ZFAT: variants seen among roughly 807,000 people sequenced by gnomAD.
The protein encoded by ZFAT is zinc finger and AT-hook domain containing, also known as zinc finger protein ZFAT.
Under a neutral mutation model 117.7 loss-of-function variants are expected in ZFAT, and 64 were observed. That is an observed-to-expected ratio of 0.54 (90% CI 0.44 to 0.67). The LOEUF (loss-of-function observed/expected upper bound fraction) is 0.67, where lower values mean the gene tolerates loss of function less well. Among genes scored for constraint, ZFAT ranks in the 30% least tolerant of loss-of-function variants. The pLI is 0.00. For synonymous variants in ZFAT, 679 were observed against 615.0 expected, an observed-to-expected ratio of 1.10 and a Z score of -1.54; for missense variants, 1,433 against 1,584.5, an observed-to-expected ratio of 0.90 and a Z score of 1.62.
intron 12 of ZFAT, among the ~76,000 whole-genome samples, chr8:134,530,963 G>A (rs1375709714): frequency 6.6e-6 from 1 of 152,122 alleles, no homozygotes; most frequent in Non-Finnish European, 1.5e-5. Flanking sequence ...GTTATCTGCG[G>A]AGGGTCCTGG....
chr8:134,728,864 A>C, the ZFAT span, among the ~76,000 whole-genome samples: 1 of 152,174 alleles, frequency 6.6e-6, no homozygotes, highest in Non-Finnish European at 1.5e-5. Context: ...CTCTCCTCTT[A>C]TAGTAAATTT....
At position 134,565,414 on chromosome 8, in the gene ZFAT, C is replaced by T. The variant is rs573774659; in HGVS notation, c.2895G>A (p.Gln965=). 1.1e-5 allele frequency: 18 copies of T among 1,612,806 alleles called. No individual in the cohort carries two copies. In the South Asian group the frequency reaches 1.3e-4, roughly 12 times the overall value. The change falls in exon 11 of 16, where the codon CAG becomes CAA. Residue 965 remains glutamine (Q), a synonymous_variant. Transcript: ENST00000377838. The part of the protein sequence containing the change: ...HKLLHTADGK[Q]FKCTVCDYTA... ...TGTAGTCACACACCGTGCACTTAAACTGCTTCCCTGGAAAGAAGCGGAGGA... is the reference window on the plus strand; with the variant it reads ...TGTAGTCACACACCGTGCACTTAAATTGCTTCCCTGGAAAGAAGCGGAGGA...
intron 2 of ZFAT, among the ~76,000 whole-genome samples, chr8:134,640,739 A>G (rs1279336872): frequency 2.6e-5 from 4 of 152,202 alleles, no homozygotes. Flanking sequence ...TGCTGCATCC[A>G]TAATTCAGAT....
chr8:134,578,684 C>T lies in ZFAT; in HGVS notation c.2887+5148G>A, dbSNP rs905539004. 9.9e-4 allele frequency among the ~76,000 whole-genome samples: 150 copies of T among 152,214 alleles called. 1 individual carries two copies. Among genetic ancestry groups the T allele is most frequent in the Non-Finnish European group, 1.8e-4 (12 of 68,018 alleles). On this transcript the variant is annotated intron_variant, in intron 10 of 15. Coordinates refer to ENST00000377838, the MANE Select transcript of ZFAT (RefSeq NM_020863.4). ...TCTAGGGAAAGCAGTTAGGAGGCTA[C>T]TGCAAGAATGGAGGCAGGAGATGAC...
chr8:134,582,420 T>C (rs1050695085), intron 10 of ZFAT, among the ~76,000 whole-genome samples: 8 of 152,240 alleles, frequency 5.3e-5, no homozygotes, highest in Non-Finnish European at 1.2e-4. Flanking sequence ...ACTGCAGTAG[T>C]TATGTGCTAT....
intron 10 of ZFAT, among the ~76,000 whole-genome samples, chr8:134,572,969 G>A (rs1303092346): frequency 6.6e-6 from 1 of 152,208 alleles, no homozygotes; most frequent in Non-Finnish European, 1.5e-5. Context: ...AGCACAATGT[G>A]AAAAGGAAGA....
At chr8:134,532,588 G>A (rs1821502567) in intron 12 of ZFAT, among the ~76,000 whole-genome samples, 1 of 152,222 alleles carries the variant, frequency 6.6e-6, no homozygotes, top group African/African-American at 2.4e-5. Context: ...TAGAATTTGT[G>A]TGTGAATTTT....
rs1238335477 is a variant in ZFAT, at chr8:134,602,822, G to A, written c.897C>T (p.Tyr299=). 1 of 1,614,216 alleles carries A rather than the reference G, an allele frequency of 6.2e-7. No homozygotes were observed. The highest frequency in any genetic ancestry group is 1.3e-5 in the African/African-American group (1 of 75,062). The change falls in exon 6 of 16, where the codon TAC becomes TAT. Residue 299 remains tyrosine, a synonymous_variant. Transcript: ENST00000377838. ...TGGCATAGCTGCACTGGGGGCACTT[G>A]TATGGCTTTTCATTGGTGTGGATCC... ...HLRIHTNEKP[Y]KCPQCSYASA... is the part of the protein sequence containing the mutation.
chr8:134,715,629 G>A (rs1162127322), upstream of ZFAT, among the ~76,000 whole-genome samples: 2 of 152,236 alleles, frequency 1.3e-5, no homozygotes, highest in Non-Finnish European at 2.9e-5. Flanking sequence ...GGAATTGGAT[G>A]TAAATCACTC....
intron 15 of ZFAT, among the ~76,000 whole-genome samples, chr8:134,493,175 C>T (rs1289314440): frequency 1.3e-5 from 2 of 152,226 alleles, no homozygotes; most frequent in African/African-American, 4.8e-5. Context: ...CCACCCATTT[C>T]CTGTGTCACC....
the ZFAT span, among the ~76,000 whole-genome samples, chr8:134,763,258 A>G: frequency 6.6e-6 from 1 of 152,218 alleles, no homozygotes; most frequent in Non-Finnish European, 1.5e-5. Flanking sequence ...AGGCCTTAAC[A>G]TAATCTGCTT....
chr8:134,744,891 G>A, the ZFAT span, among the ~76,000 whole-genome samples: 1,347 of 151,844 alleles, frequency 8.9e-3, 12 homozygotes, highest in African/African-American at 0.03. Context: ...CACCAGGCCC[G>A]GCTACTTTTT....
chr8:134,827,724 C>T, the ZFAT span, among the ~76,000 whole-genome samples: 4 of 149,216 alleles, frequency 2.7e-5, 1 homozygote, highest in African/African-American at 2.5e-5. Context: ...GCCAAAATCG[C>T]GCCACTGCAC....
intron 1 of ZFAT, among the ~76,000 whole-genome samples, chr8:134,659,891 C>A (rs1281442226): frequency 6.6e-6 from 1 of 152,214 alleles, no homozygotes; most frequent in Non-Finnish European, 1.5e-5. Flanking sequence ...CGTGAATTAG[C>A]AGGGAGGTAA....
chr8:134,813,735 T>C, the ZFAT span, among the ~76,000 whole-genome samples: 1 of 151,980 alleles, frequency 6.6e-6, no homozygotes, highest in African/African-American at 2.4e-5. Context: ...TAATTCTTTA[T>C]ACAACTATAA....
the ZFAT span, chr8:134,805,070 G>C: frequency 6.5e-6 from 2 of 309,780 alleles, no homozygotes; most frequent in Non-Finnish European, 1.4e-5. Context: ...AAACAAAAAT[G>C]ATAAAGTTAA....
chr8:134,711,779 C>A (rs189454510), intron 1 of ZFAT, among the ~76,000 whole-genome samples: 11 of 152,288 alleles, frequency 7.2e-5, no homozygotes, highest in African/African-American at 2.4e-4. Flanking sequence ...TGGGACTGCT[C>A]TTTACCCCTG....
rs1210706224 is a variant in ZFAT, at chr8:134,478,643, C to T, written c.3571G>A (p.Glu1191Lys). The change falls in exon 16 of 16, where the codon GAG becomes AAG. Residue 1191 changes from glutamate (E) to lysine (K), a missense_variant. Glu to Lys is a moderately conservative substitution (Grantham distance 56, BLOSUM62 1). Transcript: ENST00000377838. This position sits in a 1 kb window ranked among gnomAD's most constrained non-coding sequence, Gnocchi z 5.2. ...GAGGACACCACCAGGTGGTGCTGCT[C>T]GGCAAGCTCCACGGACGCTTGCTGG... ...TVQQASVELA[E>K]QHHLVVSSDD... 4 of 1,583,790 alleles carry T rather than the reference C, an allele frequency of 2.5e-6. No individual in the cohort carries two copies. The highest frequency in any genetic ancestry group is 2.3e-5 in the East Asian group (1 of 42,926).
chr8:134,568,787 G>A (rs1429158462), intron 10 of ZFAT, among the ~76,000 whole-genome samples: 1 of 152,156 alleles, frequency 6.6e-6, no homozygotes, highest in African/African-American at 2.4e-5. Context: ...AGGCCTGGGA[G>A]GGCATCTGAC....
Sources: allele counts gnomAD v4.1 joint callset (sites outside exome capture counted in the v4.1 genomes callset), GRCh38; gene constraint gnomAD v4.1.1; non-coding constraint Gnocchi (gnomAD v3.1); transcripts MANE v1.5; gene names NCBI Gene and HGNC (gene_info 2026-07-23, HGNC 2026-07-21).